Variants in ZFAT observed in about 807,000 individuals in gnomAD.
The protein encoded by ZFAT is zinc finger and AT-hook domain containing, also known as zinc finger protein ZFAT.
A neutral mutation model predicts 117.7 loss-of-function variants in ZFAT; 64 were observed. The ratio of observed to expected loss-of-function variants is 0.54; its 90% CI spans 0.44 to 0.67. The LOEUF (loss-of-function observed/expected upper bound fraction) is 0.67, where lower values mean the gene tolerates loss of function less well. ZFAT is among the 30% of genes least tolerant of loss of function. The probability of loss-of-function intolerance (pLI) is 0.00; values close to 1 mark genes in which losing one functional copy is unlikely to be tolerated. For synonymous variants in ZFAT, 679 were observed against 615.0 expected, an observed-to-expected ratio of 1.10 and a Z score of -1.54; for missense variants, 1,433 against 1,584.5, an observed-to-expected ratio of 0.90 and a Z score of 1.62.
chr8:134,768,307 C>T, the ZFAT span, among the ~76,000 whole-genome samples: 155 of 152,244 alleles, frequency 1.0e-3, no homozygotes, highest in Non-Finnish European at 1.7e-3. Context: ...TTTGAGGCAT[C>T]GCAAAACAGA....
intron 12 of ZFAT, 56 bp downstream of exon 12, chr8:134,532,778 G>A: frequency 1.3e-6 from 2 of 1,589,544 alleles, no homozygotes; most frequent in Non-Finnish European, 1.7e-6. Context: ...TTCCCAATGG[G>A]GGACTTGGCC....
At chr8:134,639,253 G>T (rs1018623831) in intron 2 of ZFAT, among the ~76,000 whole-genome samples, 4 of 152,202 alleles carry the variant, frequency 2.6e-5, no homozygotes, top group Non-Finnish European at 4.4e-5. Context: ...TTGGTACGGG[G>T]TACCCAAGAC....
At chr8:134,828,334 T>G in the ZFAT span, among the ~76,000 whole-genome samples, 2 of 152,246 alleles carry the variant, frequency 1.3e-5, no homozygotes, top group Non-Finnish European at 2.9e-5. Context: ...TATCCCGAAG[T>G]TGGGCTTTTG....
the ZFAT span, among the ~76,000 whole-genome samples, chr8:134,787,210 A>G: frequency 6.6e-6 from 1 of 152,170 alleles, no homozygotes; most frequent in Non-Finnish European, 1.5e-5. Context: ...TGATTCTATC[A>G]CCACAAATTA....
intron 3 of ZFAT, among the ~76,000 whole-genome samples, chr8:134,617,848 T>C (rs1828854225): frequency 6.6e-6 from 1 of 152,230 alleles, no homozygotes; most frequent in African/African-American, 2.4e-5. Flanking sequence ...AGTTTGGCTG[T>C]GTCCCCATCC....
chr8:134,670,193 C>T (rs546194813), intron 1 of ZFAT, among the ~76,000 whole-genome samples: 21 of 152,272 alleles, frequency 1.4e-4, no homozygotes, highest in East Asian at 3.9e-4. Context: ...GACAGATCAA[C>T]GAGACAGAAA....
chr8:134,712,562 C>T (rs1366916312), intron 1 of ZFAT, among the ~76,000 whole-genome samples: 2 of 151,872 alleles, frequency 1.3e-5, no homozygotes, highest in Non-Finnish European at 2.9e-5. Flanking sequence ...GCCCGCGCCC[C>T]AACGCCACCC....
At chr8:134,748,783 T>C in the ZFAT span, among the ~76,000 whole-genome samples, 4,937 of 152,326 alleles carry the variant, frequency 0.032, 112 homozygotes, top group South Asian at 0.051. Flanking sequence ...TATTATGTTA[T>C]AATTTTAATT....
chr8:134,730,032 T>G, the ZFAT span, among the ~76,000 whole-genome samples: 2 of 152,224 alleles, frequency 1.3e-5, no homozygotes, highest in Non-Finnish European at 2.9e-5. Flanking sequence ...TCAGTTAGAT[T>G]AGGCTGTTGT....
intron 15 of ZFAT, among the ~76,000 whole-genome samples, chr8:134,502,645 G>A (rs1399478393): frequency 6.6e-6 from 1 of 152,236 alleles, no homozygotes; most frequent in East Asian, 1.9e-4. Flanking sequence ...GGTGGCAAAG[G>A]TTGTGTAGAA....
the ZFAT span, among the ~76,000 whole-genome samples, chr8:134,771,320 C>A: frequency 6.6e-6 from 1 of 152,194 alleles, no homozygotes; most frequent in Non-Finnish European, 1.5e-5. Context: ...AATATCAGGG[C>A]AGATTCCCTG....
At chr8:134,783,698 G>A in the ZFAT span, 12 of 152,280 alleles carry the variant, frequency 7.9e-5, no homozygotes, top group Admixed American at 1.3e-4. Context: ...GAAAAGTTAC[G>A]TTGACAATTA....
At chr8:134,520,200 C>T (rs540486525) in intron 13 of ZFAT, among the ~76,000 whole-genome samples, 1 of 152,120 alleles carries the variant, frequency 6.6e-6, no homozygotes, top group Non-Finnish European at 1.5e-5. Context: ...GGGGATGATG[C>T]TACTAGTAAC....
chr8:134,631,153 G>A (rs2131069984), intron 3 of ZFAT, among the ~76,000 whole-genome samples: 1 of 152,302 alleles, frequency 6.6e-6, no homozygotes, highest in East Asian at 1.9e-4. Context: ...AATGGAATAG[G>A]AGGCCATTTT....
intron 1 of ZFAT, among the ~76,000 whole-genome samples, chr8:134,675,721 C>T (rs917638853): frequency 6.6e-6 from 1 of 152,180 alleles, no homozygotes. Flanking sequence ...CAAAGGGAAG[C>T]CCATCTGACT....
At chr8:134,687,491 C>T (rs963669831) in intron 1 of ZFAT, among the ~76,000 whole-genome samples, 2 of 152,194 alleles carry the variant, frequency 1.3e-5, no homozygotes, top group African/African-American at 4.8e-5. Context: ...AATACATTCA[C>T]ATTTAACACA....
At chr8:134,565,594 C>T (rs779500103) in intron 10 of ZFAT, 173 bp from the exon 11 acceptor site, 9 of 729,156 alleles carry the variant, frequency 1.2e-5, no homozygotes, top group African/African-American at 1.7e-5. Flanking sequence ...GCTCAGTCTT[C>T]AACAGGTGGG....
chr8:134,811,383 A>G, the ZFAT span, among the ~76,000 whole-genome samples: 6 of 152,340 alleles, frequency 3.9e-5, no homozygotes, highest in Admixed American at 3.3e-4. Context: ...CAAAATTTGG[A>G]ATATAAGGTG....
At chr8:134,696,970 T>A (rs1257549822) in intron 1 of ZFAT, among the ~76,000 whole-genome samples, 1 of 151,222 alleles carries the variant, frequency 6.6e-6, no homozygotes, top group Non-Finnish European at 1.5e-5. Flanking sequence ...CAGGCTGGAG[T>A]GCAGTGGCGC....
Sources: allele counts gnomAD v4.1 joint callset (sites outside exome capture counted in the v4.1 genomes callset), GRCh38; gene constraint gnomAD v4.1.1; transcripts MANE v1.5; gene names NCBI Gene and HGNC (gene_info 2026-07-23, HGNC 2026-07-21).